The following UMPS variants were observed in gnomAD, a reference collection of about 807,000 sequenced individuals.
UMPS encodes the protein uridine monophosphate synthetase, also known as uridine 5'-monophosphate synthase.
A neutral mutation model predicts 38.9 loss-of-function variants in UMPS; 21 were observed. That is an observed-to-expected ratio of 0.54 (90% CI 0.38 to 0.78). UMPS has a LOEUF of 0.78. Ranked by LOEUF, UMPS falls within the 30% of genes least tolerant of loss-of-function variation. UMPS has a pLI of 0.00. For missense variants in UMPS, 533 were observed against 591.6 expected (o/e 0.90, Z 1.03); for synonymous variants, 208 against 219.3 (o/e 0.95, Z 0.45).
intron 2 of UMPS, among the ~76,000 whole-genome samples, chr3:124,735,745 G>A (rs955670392): frequency 6.6e-6 from 1 of 152,200 alleles, no homozygotes; most frequent in Non-Finnish European, 1.5e-5. Context: ...TGGAGGCCGA[G>A]GTAGGCGGAT....
rs1286215288 is a variant in UMPS at position 124,748,075 on chromosome 3, T to C, written c.*3991T>C. 1 of 389,764 alleles carries C rather than the reference T, an allele frequency of 2.6e-6. No homozygotes were observed. The allele number at this position is 389,764 out of a possible 1,614,324, so 24.1% of individuals were successfully genotyped here. A position where few individuals can be genotyped will look rare whatever the true frequency, so the allele number is the denominator to read the frequency against. ...TGGAGTTATATTTTTAAAATATATATTTTAACAGTTATATATATTAGATAT... is the reference window on the plus strand; with the variant it reads ...TGGAGTTATATTTTTAAAATATATACTTTAACAGTTATATATATTAGATAT... On this transcript the variant is annotated 3_prime_UTR_variant, in exon 6 of 6. Transcript: ENST00000232607.
chr3:124,745,563 A>C lies in UMPS; in HGVS notation c.*1479A>C, dbSNP rs1354537978. On this transcript the variant is annotated 3_prime_UTR_variant, in exon 6 of 6. Transcript: ENST00000232607. ...ATTCCCTCCTGAAGTTTTTACTTCA[A>C]GAGCTTCTGCTCTAAAGTCCAATTT... 1 of 453,922 alleles carries C rather than the reference A, an allele frequency of 2.2e-6. No individual in the cohort carries two copies. Among genetic ancestry groups the C allele is most frequent in the African/African-American group, 2.0e-5 (1 of 49,970 alleles). The allele number at this position is 453,922 out of a possible 1,614,324, so 28.1% of individuals were successfully genotyped here.
chr3:124,743,025 A>T (rs901072882), intron 5 of UMPS, among the ~76,000 whole-genome samples: 1 of 152,200 alleles, frequency 6.6e-6, no homozygotes, highest in Non-Finnish European at 1.5e-5. Context: ...AAAAAATTAC[A>T]TGAAAAAATA....
chr3:124,744,191 C>A lies in UMPS; in HGVS notation c.*107C>A. The A allele has an allele frequency of 4.5e-6, 6 of 1,340,232 alleles. No individual in the cohort carries two copies. The highest frequency in any genetic ancestry group is 6.3e-6 in the Non-Finnish European group (6 of 953,072). The allele number at this position is 1,340,232 out of a possible 1,614,324, so 83.0% of individuals were successfully genotyped here. A position where few individuals can be genotyped will look rare whatever the true frequency, so the allele number is the denominator to read the frequency against. On this transcript the variant is annotated 3_prime_UTR_variant, in exon 6 of 6. Coordinates refer to ENST00000232607, the MANE Select transcript of UMPS (RefSeq NM_000373.4). The stretch of plus-strand genomic sequence containing the variant: ...TCCAATTATTCCTGCTTGGATTCTT[C>A]CACAGGGCCTGTGTAAGAATGGGTT...
Position 124,737,761 on chromosome 3 carries a change from C to T in UMPS, c.504C>T (p.Ile168=). ...GGKDKLQAHG[I]RLHSVCTLSK... is the part of the protein sequence containing the mutation. ...AGGACAAGTTGCAGGCGCACGGGAT[C>T]CGCCTCCACTCAGTGTGTACATTGT... The change falls in exon 3 of 6, where the codon ATC becomes ATT. Residue 168 remains isoleucine, a synonymous_variant. Transcript: ENST00000232607. 1 of 1,614,158 alleles carries T rather than the reference C, an allele frequency of 6.2e-7. No individual in the cohort carries two copies. The highest frequency in any genetic ancestry group is 8.5e-7 in the Non-Finnish European group (1 of 1,180,040).
Position 124,745,463 on chromosome 3 carries a change from A to G in UMPS, c.*1379A>G, listed in dbSNP as rs1375075786. The G allele has an allele frequency of 4.4e-6, 2 of 453,632 alleles. No individual in the cohort carries two copies. The highest frequency in any genetic ancestry group is 8.8e-6 in the Non-Finnish European group (2 of 226,720). The allele number at this position is 453,632 out of a possible 1,614,324, so 28.1% of individuals were successfully genotyped here. A position where few individuals can be genotyped will look rare whatever the true frequency, so the allele number is the denominator to read the frequency against. ...ACTGCAACTTCTGCCTCTCTGGTTC[A>G]AGCAGTTCTCCTGCCTCAGCCTCCC... On this transcript the variant is annotated 3_prime_UTR_variant, in exon 6 of 6. Transcript: ENST00000232607.
intron 2 of UMPS, chr3:124,737,352 A>C (rs1208450642): frequency 3.6e-6 from 2 of 558,426 alleles, no homozygotes; most frequent in Non-Finnish European, 6.3e-6. Context: ...ATTTACTATA[A>C]ATATACTGTA....
In UMPS at chr3:124,744,610, A is replaced by G. The variant is rs2242246; in HGVS notation, c.*526A>G. On this transcript the variant is annotated 3_prime_UTR_variant, in exon 6 of 6. Coordinates refer to ENST00000232607, the MANE Select transcript of UMPS (RefSeq NM_000373.4). ...TTATTTGTAGAGATGAGGTCTTGCC[A>G]TGTTACCCAGGCTGGTCTCAACTCC... 0.019 allele frequency: 8,424 copies of G among 453,662 alleles called. 172 individuals carry two copies. The highest frequency in any genetic ancestry group is 0.061 in the East Asian group (872 of 14,368). The allele number at this position is 453,662 out of a possible 1,614,324, so 28.1% of individuals were successfully genotyped here.
In UMPS at chr3:124,740,017, T is replaced by G; in HGVS notation, c.983-7T>G. The G allele has an allele frequency of 4.3e-6, 7 of 1,614,132 alleles. No individual in the cohort carries two copies. Among genetic ancestry groups the G allele is most frequent in the South Asian group, 1.1e-5 (1 of 91,080 alleles). ...CAGCAAATATCTTTTTTCCCCCTTC[T>G]TCTTAGGAGGTATCTTTAAAATAGC... On this transcript the variant is annotated splice_polypyrimidine_tract_variant and splice_region_variant and intron_variant, in intron 3 of 5. Coordinates refer to ENST00000232607, the MANE Select transcript of UMPS (RefSeq NM_000373.4).
At chr3:124,742,048 CTTTTT>C (rs5852426) in intron 4 of UMPS, 99 bp from the exon 5 acceptor site, 11 of 785,096 alleles carry the variant, frequency 1.4e-5, no homozygotes, top group South Asian at 4.7e-5. Flanking sequence ...GACCTCATGT[CTTTTT>C]TTTTTTTTTT....
chr3:124,745,534 T>C lies in UMPS; in HGVS notation c.*1450T>C. ...CTAGGATTTTTAACTCAGGTTTTTA[T>C]TATATTCCCTCCTGAAGTTTTTACT... is the stretch of plus-strand genomic sequence containing the variant. On this transcript the variant is annotated 3_prime_UTR_variant, in exon 6 of 6. Coordinates refer to ENST00000232607, the MANE Select transcript of UMPS (RefSeq NM_000373.4). The C allele has an allele frequency of 2.2e-6, 1 of 454,058 alleles. No individual in the cohort carries two copies. The highest frequency in any genetic ancestry group is 4.4e-6 in the Non-Finnish European group (1 of 226,774). The allele number at this position is 454,058 out of a possible 1,614,324, so 28.1% of individuals were successfully genotyped here. A position where few individuals can be genotyped will look rare whatever the true frequency, so the allele number is the denominator to read the frequency against.
Position 124,749,046 on chromosome 3 carries a change from G to A in UMPS, c.*4962G>A, listed in dbSNP as rs1428300533. 6 of 453,918 alleles carry A rather than the reference G, an allele frequency of 1.3e-5. No individual in the cohort carries two copies. Among genetic ancestry groups the A allele is most frequent in the Non-Finnish European group, 2.6e-5 (6 of 226,780 alleles). 28.1% of individuals were successfully genotyped at this position (453,918 alleles called of 1,614,324 possible). A position where few individuals can be genotyped will look rare whatever the true frequency, so the allele number is the denominator to read the frequency against. ...GTCCTGCCTCCAATGTCCCAACACT[G>A]CATTGTCTCCCTGCACTTAGCAGCC... On this transcript the variant is annotated 3_prime_UTR_variant, in exon 6 of 6. Transcript: ENST00000232607.
Position 124,743,963 on chromosome 3 carries a change from A to G in UMPS, c.1322A>G (p.Lys441Arg), listed in dbSNP as rs1467984318. Reference sequence around the variant, plus strand: ...AATAGCCCACAAGAAGTTATTGGCAAACGAGGTTCCGATATCATCATTGTA... The same window carrying G: ...AATAGCCCACAAGAAGTTATTGGCAGACGAGGTTCCGATATCATCATTGTA... Reference protein sequence around the residue: ...QYNSPQEVIGKRGSDIIIVGR... With the variant: ...QYNSPQEVIGRRGSDIIIVGR... Residue 441 changes from lysine to arginine, a missense_variant, in exon 6 of 6, where the codon AAA (lysine) becomes AGA (arginine). Coordinates refer to ENST00000232607, the MANE Select transcript of UMPS (RefSeq NM_000373.4). The G allele has an allele frequency of 6.2e-7, 1 of 1,614,216 alleles. No homozygotes were observed.
At chr3:124,738,310 T>G in intron 3 of UMPS, 71 bp downstream of exon 3, 1 of 1,525,890 alleles carries the variant, frequency 6.6e-7, no homozygotes, top group Non-Finnish European at 9.0e-7. Context: ...AAGGAAATGC[T>G]CATGTCATTG....
chr3:124,734,861 A>T (rs1348652855), intron 1 of UMPS, among the ~76,000 whole-genome samples: 1 of 152,128 alleles, frequency 6.6e-6, no homozygotes, highest in Non-Finnish European at 1.5e-5. Flanking sequence ...TCTACTAAAA[A>T]TACAAAAAAA....
chr3:124,738,102 C>G lies in UMPS; in HGVS notation c.845C>G (p.Thr282Ser), dbSNP rs2063530277. ...ALGPSICMLKTHVDILNDFTL... is the reference protein window; with the variant it reads ...ALGPSICMLKSHVDILNDFTL... Reference sequence around the variant, plus strand: ...GGACCTAGTATCTGCATGCTGAAGACTCATGTAGATATTTTGAATGATTTT... The same window carrying G: ...GGACCTAGTATCTGCATGCTGAAGAGTCATGTAGATATTTTGAATGATTTT... Residue 282 changes from threonine to serine, a missense_variant, in exon 3 of 6, where the codon ACT becomes AGT. Coordinates refer to ENST00000232607, the MANE Select transcript of UMPS (RefSeq NM_000373.4). 2 of 1,614,038 alleles carry G rather than the reference C, an allele frequency of 1.2e-6. No individual in the cohort carries two copies. The highest frequency in any genetic ancestry group is 1.7e-6 in the Non-Finnish European group (2 of 1,180,046).
At position 124,742,169 on chromosome 3, in the gene UMPS, G is replaced by C. The variant is rs375792307; in HGVS notation, c.1176G>C (p.Glu392Asp). Residue 392 changes from glutamate (E) to aspartate (D), a missense_variant, in exon 5 of 6, where the codon GAG becomes GAC. Coordinates refer to ENST00000232607, the MANE Select transcript of UMPS (RefSeq NM_000373.4). ...CCATTTAGGTTAGAATGGCTGAGGA[G>C]CACTCTGAATTTGTTGTTGGTTTTA... ...YTRAAVRMAE[E>D]HSEFVVGFIS... 20 of 1,613,550 alleles carry C rather than the reference G, an allele frequency of 1.2e-5. No individual in the cohort carries two copies. The highest frequency in any genetic ancestry group is 1.7e-5 in the Non-Finnish European group (20 of 1,179,830).
Position 124,745,027 on chromosome 3 carries a change from T to C in UMPS, c.*943T>C. The C allele has an allele frequency of 2.2e-6, 1 of 454,160 alleles. No individual in the cohort carries two copies. 28.1% of individuals were successfully genotyped at this position (454,160 alleles called of 1,614,324 possible). On this transcript the variant is annotated 3_prime_UTR_variant, in exon 6 of 6. Transcript: ENST00000232607. ...CATTTTTTCCCCTAGCCAGCAATTA[T>C]GGACCAGTAGTAACACAAGTGACAG...
Position 124,746,063 on chromosome 3 carries a change from C to T in UMPS, c.*1979C>T, listed in dbSNP as rs949828733. On this transcript the variant is annotated 3_prime_UTR_variant, in exon 6 of 6. Transcript: ENST00000232607. ...TTTGAGAACCACTTCACTGGTTATT[C>T]ACATTTCTGCCTCTGCAGTGAGACA... The T allele has an allele frequency of 1.1e-5, 5 of 454,040 alleles. No individual in the cohort carries two copies. The highest frequency in any genetic ancestry group is 7.0e-5 in the Admixed American group (3 of 42,562). The allele number at this position is 454,040 out of a possible 1,614,324, so 28.1% of individuals were successfully genotyped here.
Sources: gnomAD v4.1 joint callset for allele counts (sites outside exome capture counted in the v4.1 genomes callset) on GRCh38, gnomAD v4.1.1 for gene constraint, MANE v1.5 for transcripts, NCBI Gene and HGNC (gene_info 2026-07-23, HGNC 2026-07-21) for gene names.